TRIM55: variants seen among roughly 807,000 people sequenced by gnomAD.
TRIM55 encodes tripartite motif-containing protein 55.
A neutral mutation model predicts 60.9 loss-of-function variants in TRIM55; 50 were observed. The ratio of observed to expected loss-of-function variants is 0.82; its 90% CI spans 0.65 to 1.04. The LOEUF is 1.04. TRIM55 is among the 50% of genes least tolerant of loss of function. The pLI, the probability that TRIM55 is intolerant of heterozygous loss-of-function variation, is 0.00. For missense variants in TRIM55, 681 were observed against 666.9 expected (o/e 1.02, Z -0.23); for synonymous variants, 237 against 238.1 (o/e 1.00, Z 0.04).
chr8:66,171,200 G>A (rs1250067702), intron 9 of TRIM55, among the ~76,000 whole-genome samples: 4 of 152,150 alleles, frequency 2.6e-5, no homozygotes, highest in South Asian at 2.1e-4. Context: ...TAAGCCTAGC[G>A]CTCATTAGTT....
At position 66,150,361 on chromosome 8, in the gene TRIM55, G is replaced by C. The variant is rs201872037; in HGVS notation, c.880G>C (p.Ala294Pro). Residue 294 changes from alanine (A) to proline (P), a missense_variant, in exon 7 of 10, where the codon GCA becomes CCA. Transcript: ENST00000315962. ...LLKKISEASKAFQMEKIEHGY... is the reference protein window; with the variant it reads ...LLKKISEASKPFQMEKIEHGY... ...TTGCAGAATCTCGGAAGCATCAAAG[G>C]CATTTCAGATGGAGAAAATAGAACA... The C allele has an allele frequency of 1.9e-6, 3 of 1,614,034 alleles. No individual in the cohort carries two copies. In the African/African-American group the frequency reaches 4.0e-5, roughly 22 times the overall value.
At chr8:66,155,409 G>T (rs1445653748) in intron 9 of TRIM55, among the ~76,000 whole-genome samples, 1 of 152,192 alleles carries the variant, frequency 6.6e-6, no homozygotes, top group East Asian at 1.9e-4. Flanking sequence ...GGTAAAAGAT[G>T]CAGTAGACTG....
intron 4 of TRIM55, among the ~76,000 whole-genome samples, chr8:66,147,813 A>AAC (rs1554528459): frequency 0.066 from 9,542 of 144,304 alleles, 654 homozygotes; most frequent in African/African-American, 0.16. Flanking sequence ...AAAAAAAAAA[A>AAC]AAAACCACAA....
intron 9 of TRIM55, 133 bp from the exon 10 acceptor site, chr8:66,174,338 C>A: frequency 1.6e-6 from 1 of 615,696 alleles, no homozygotes; most frequent in Non-Finnish European, 2.3e-6. Flanking sequence ...TAATTATGTG[C>A]CATATAATAA....
At position 66,127,214 on chromosome 8, in the gene TRIM55, G is replaced by T; in HGVS notation, c.-55G>T. On this transcript the variant is annotated 5_prime_UTR_variant, in exon 1 of 10. Coordinates refer to ENST00000315962, the MANE Select transcript of TRIM55 (RefSeq NM_184085.2). ...CTGGAATAATATCCAGGAAACACTT[G>T]CTGGAGCCACTCGCAGCACCCTTCC... The T allele has an allele frequency of 1.3e-6, 2 of 1,546,952 alleles. No homozygotes were observed. The highest frequency in any genetic ancestry group is 1.2e-5 in the South Asian group (1 of 84,642).
At chr8:66,152,710 C>A (rs913998181) in intron 8 of TRIM55, 83 bp downstream of exon 8, 124 of 1,507,490 alleles carry the variant, frequency 8.2e-5, no homozygotes, top group Non-Finnish European at 4.0e-5. Context: ...CCTATTCTGC[C>A]TTAAGAAAAA....
At chr8:66,151,880 A>G (rs1810446062) in intron 7 of TRIM55, among the ~76,000 whole-genome samples, 1 of 150,992 alleles carries the variant, frequency 6.6e-6, no homozygotes, top group Admixed American at 6.6e-5. Context: ...AAATAAATAA[A>G]TAAATAAATA....
In TRIM55 at chr8:66,130,243, C is replaced by T. The variant is rs544812991; in HGVS notation, c.341+1767C>T. On this transcript the variant is annotated intron_variant, in intron 2 of 9. Coordinates refer to ENST00000315962, the MANE Select transcript of TRIM55 (RefSeq NM_184085.2). ...GTACCCAGGCCTGGGAAGTAAATTG[C>T]GTAAAAGCAATGAACCAAATTTCCA... Among the ~76,000 whole-genome samples the T allele has an allele frequency of 1.1e-4, 16 of 152,262 alleles. No homozygotes were observed. In the South Asian group the frequency reaches 2.7e-3, roughly 26 times the overall value.
In TRIM55 at chr8:66,148,912, G is replaced by C. The variant is rs962545248; in HGVS notation, c.604-733G>C. On this transcript the variant is annotated intron_variant, in intron 4 of 9. Transcript: ENST00000315962. ...AAAAATTCAAAAATTAGCTGGGTGT[G>C]GTGGCAGGTGCCTGTAATTCTAGCT... 2.0e-5 allele frequency among the ~76,000 whole-genome samples: 3 copies of C among 152,124 alleles called. No homozygotes were observed. In the East Asian group the frequency reaches 5.8e-4, roughly 29 times the overall value.
the TRIM55 span, chr8:66,113,355 C>T: frequency 1.6e-5 from 6 of 366,710 alleles, no homozygotes; most frequent in Non-Finnish European, 3.2e-5. Flanking sequence ...GACGCCGACA[C>T]ACGTACACGT....
intron 4 of TRIM55, among the ~76,000 whole-genome samples, chr8:66,147,140 A>T (rs917258793): frequency 2.6e-5 from 4 of 152,256 alleles, no homozygotes; most frequent in Admixed American, 6.5e-5. Flanking sequence ...TTATTGGTCT[A>T]TAGTCTTTCT....
Position 66,165,268 on chromosome 8 carries a change from G to A in TRIM55, c.1525-9203G>A, listed in dbSNP as rs147446251. Among the ~76,000 whole-genome samples the A allele has an allele frequency of 7.9e-5, 12 of 152,280 alleles. No homozygotes were observed. The East Asian group carries it at 2.1e-3, about 27-fold the overall frequency. On this transcript the variant is annotated intron_variant, in intron 9 of 9. Transcript: ENST00000315962. ...TTGCAAAAAGATAAAAGCATTTTAT[G>A]CAAAAGATTTTTGAGACCAAGCTAT...
rs577725138 is a variant in TRIM55 at position 66,127,564 on chromosome 8, C to T, written c.168+128C>T. On this transcript the variant is annotated intron_variant, in intron 1 of 9. Transcript: ENST00000315962. ...TAAGGTTGCCGGGCGCTTTGGCTCA[C>T]GCCTGTAGTCCCAGCACTTTGGGAG... 1.5e-4 allele frequency: 156 copies of T among 1,067,118 alleles called. No individual in the cohort carries two copies. In the Middle Eastern group the frequency reaches 1.9e-3, roughly 13 times the overall value. 66.1% of individuals were successfully genotyped at this position (1,067,118 alleles called of 1,614,324 possible). A position where few individuals can be genotyped will look rare whatever the true frequency, so the allele number is the denominator to read the frequency against.
At chr8:66,139,633 T>G (rs1417719290) in intron 4 of TRIM55, among the ~76,000 whole-genome samples, 1 of 152,176 alleles carries the variant, frequency 6.6e-6, no homozygotes, top group Non-Finnish European at 1.5e-5. Context: ...GGCAATACAA[T>G]TCATTGAACA....
chr8:66,166,801 C>A (rs1394051561), intron 9 of TRIM55, among the ~76,000 whole-genome samples: 1 of 152,182 alleles, frequency 6.6e-6, no homozygotes, highest in Non-Finnish European at 1.5e-5. Flanking sequence ...CCAAGTGGGG[C>A]ATGCAGTGTA....
chr8:66,131,842 T>C (rs1304384956), intron 2 of TRIM55, among the ~76,000 whole-genome samples: 2 of 152,354 alleles, frequency 1.3e-5, no homozygotes, highest in East Asian at 3.9e-4. Flanking sequence ...TTCATCCAGA[T>C]GTTCCTAATT....
rs1383192198 is a variant in TRIM55 at position 66,128,443 on chromosome 8, A to G, written c.308A>G (p.Asn103Ser). ...YGLQRNLLVE[N>S]IIDIYKQEST... ...CTTCAGAGGAACCTGCTGGTGGAAA[A>G]TATCATTGACATCTACAAGCAGGAG... is the stretch of plus-strand genomic sequence containing the variant. Residue 103 changes from asparagine to serine, a missense_variant, in exon 2 of 10, where the codon AAT (asparagine) becomes AGT (serine). Coordinates refer to ENST00000315962, the MANE Select transcript of TRIM55 (RefSeq NM_184085.2). 6.2e-7 allele frequency: 1 copy of G among 1,613,716 alleles called. No individual in the cohort carries two copies. The highest frequency in any genetic ancestry group is 8.5e-7 in the Non-Finnish European group (1 of 1,179,892).
At chr8:66,124,866 T>C (rs1167054212), upstream of TRIM55, among the ~76,000 whole-genome samples, 2 of 152,234 alleles carry the variant, frequency 1.3e-5, no homozygotes, top group Non-Finnish European at 2.9e-5. Context: ...TTCACAGGCA[T>C]GGTACGAAGG....
chr8:66,153,237 A>G (rs6982063), intron 8 of TRIM55, among the ~76,000 whole-genome samples: 3,370 of 152,218 alleles, frequency 0.022, 63 homozygotes, highest in Non-Finnish European at 0.035. Context: ...TGGATTTGTC[A>G]TTTGATGAGA....
Sources: gnomAD v4.1 joint callset for allele counts (sites outside exome capture counted in the v4.1 genomes callset) on GRCh38, gnomAD v4.1.1 for gene constraint, MANE v1.5 for transcripts, NCBI Gene and HGNC (gene_info 2026-07-23, HGNC 2026-07-21) for gene names.